CEP112: variants seen among roughly 807,000 people sequenced by gnomAD.
CEP112 encodes centrosomal protein of 112 kDa.
A neutral mutation model predicts 153.0 loss-of-function variants in CEP112; 127 were observed. That is an observed-to-expected ratio of 0.83 (90% CI 0.72 to 0.96). The LOEUF is 0.96. CEP112 is among the 40% of genes least tolerant of loss of function. CEP112 has a pLI of 0.00. For missense variants in CEP112, 1,089 were observed against 1,101.2 expected (o/e 0.99, Z 0.16); for synonymous variants, 358 against 374.4 (o/e 0.96, Z 0.51).
Position 65,970,802 on chromosome 17 carries a change from T to A in CEP112, c.1737-9204A>T, listed in dbSNP as rs2062720810. ...GCATGCATAAAATGTATATTGCACATGTGTATGGCGCATGTATATTGCATG... is the reference window on the plus strand; with the variant it reads ...GCATGCATAAAATGTATATTGCACAAGTGTATGGCGCATGTATATTGCATG... On this transcript the variant is annotated intron_variant, in intron 17 of 26. Coordinates refer to ENST00000535342, the MANE Select transcript of CEP112 (RefSeq NM_001199165.4). Among the ~76,000 whole-genome samples the A allele has an allele frequency of 4.6e-5, 2 of 43,908 alleles. 1 individual carries two copies. The highest frequency in any genetic ancestry group is 4.9e-3 in the South Asian group (2 of 408). 28.8% of individuals were successfully genotyped at this position (43,908 alleles called of 152,430 possible). A position where few individuals can be genotyped will look rare whatever the true frequency, so the allele number is the denominator to read the frequency against.
At chr17:65,637,487 C>A (rs1183193021) in intron 25 of CEP112, among the ~76,000 whole-genome samples, 2 of 152,198 alleles carry the variant, frequency 1.3e-5, no homozygotes, top group African/African-American at 4.8e-5. Flanking sequence ...GCTTCCACAC[C>A]GTGTCTTTCT....
intron 18 of CEP112, among the ~76,000 whole-genome samples, chr17:65,939,757 C>A (rs1024682749): frequency 6.6e-6 from 1 of 152,116 alleles, no homozygotes; most frequent in African/African-American, 2.4e-5. Context: ...GGATTAAAGA[C>A]TTAAATATAA....
At chr17:66,055,446 T>C (rs2066640464) in intron 11 of CEP112, among the ~76,000 whole-genome samples, 1 of 152,216 alleles carries the variant, frequency 6.6e-6, no homozygotes, top group Non-Finnish European at 1.5e-5. Context: ...GTGAGTCACA[T>C]AGCTGGTACA....
At chr17:66,111,579 C>A (rs528593273) in intron 6 of CEP112, among the ~76,000 whole-genome samples, 1 of 152,214 alleles carries the variant, frequency 6.6e-6, no homozygotes, top group East Asian at 1.9e-4. Flanking sequence ...GAGGCTATTA[C>A]ACTTAGCAAA....
rs182828352 is a variant in CEP112, at chr17:65,943,256, A to C, written c.1873-15567T>G. ...TGATGATATCTGTAGTGCATTTGTG[A>C]AAGACAATCATCAGTTGATATAAGA... On this transcript the variant is annotated intron_variant, in intron 18 of 26. Transcript: ENST00000535342. Among the ~76,000 whole-genome samples the C allele has an allele frequency of 1.1e-3, 163 of 152,334 alleles. 1 individual carries two copies. Among genetic ancestry groups the C allele is most frequent in the African/African-American group, 3.7e-3 (154 of 41,570 alleles).
chr17:65,806,743 T>C (rs1461451841), intron 21 of CEP112, among the ~76,000 whole-genome samples: 3 of 152,234 alleles, frequency 2.0e-5, no homozygotes, highest in Non-Finnish European at 4.4e-5. Flanking sequence ...GCCATGATTG[T>C]AAGTTTCCTG....
intron 21 of CEP112, among the ~76,000 whole-genome samples, chr17:65,820,587 A>T (rs1404789276): frequency 1.3e-5 from 2 of 152,130 alleles, no homozygotes; most frequent in Non-Finnish European, 2.9e-5. Context: ...CTGTGAAATC[A>T]GACATCAAAT....
At chr17:66,092,356 AACACACAC>A (rs3056819) in intron 8 of CEP112, among the ~76,000 whole-genome samples, 4 of 135,142 alleles carry the variant, frequency 3.0e-5, no homozygotes, top group Admixed American at 7.6e-5. Flanking sequence ...CATTAATTTA[AACACACAC>A]ACACACACAC....
At chr17:66,047,546 A>T (rs2066264830) in intron 12 of CEP112, among the ~76,000 whole-genome samples, 3 of 152,146 alleles carry the variant, frequency 2.0e-5, no homozygotes. Context: ...CTCTTTTCTA[A>T]AGTTTCAATA....
At chr17:66,126,771 T>C (rs537312386) in intron 6 of CEP112, among the ~76,000 whole-genome samples, 65 of 152,286 alleles carry the variant, frequency 4.3e-4, no homozygotes, top group African/African-American at 1.5e-3. Context: ...TTTGATTTTT[T>C]AACAAAAGCT....
At chr17:65,948,576 T>TTATA (rs201714025) in intron 18 of CEP112, among the ~76,000 whole-genome samples, 1 of 112,568 alleles carries the variant, frequency 8.9e-6, no homozygotes, top group Non-Finnish European at 1.9e-5. Flanking sequence ...AAATATGATT[T>TTATA]TATATATATA....
intron 23 of CEP112, among the ~76,000 whole-genome samples, chr17:65,716,544 C>T (rs1425128212): frequency 6.6e-6 from 1 of 152,008 alleles, no homozygotes; most frequent in Non-Finnish European, 1.5e-5. Flanking sequence ...TACTTGGAGT[C>T]AAGTCAAAGT....
chr17:66,174,171 G>A (rs1421907314), intron 4 of CEP112, among the ~76,000 whole-genome samples: 3 of 151,882 alleles, frequency 2.0e-5, no homozygotes, highest in Non-Finnish European at 2.9e-5. Flanking sequence ...CTCGTGATCC[G>A]CCCGCCTCAG....
chr17:66,139,027 A>G (rs2070568208), intron 4 of CEP112, among the ~76,000 whole-genome samples: 1 of 152,058 alleles, frequency 6.6e-6, no homozygotes, highest in South Asian at 2.1e-4. Flanking sequence ...ATATTAAAAA[A>G]GAAAAAAAAC....
At chr17:65,684,992 T>C (rs1404620868) in intron 24 of CEP112, among the ~76,000 whole-genome samples, 3 of 152,246 alleles carry the variant, frequency 2.0e-5, no homozygotes, top group African/African-American at 7.2e-5. Context: ...TGTTTATTGA[T>C]TAGAGAAAAC....
At chr17:66,126,898 T>A (rs1212845061) in intron 6 of CEP112, among the ~76,000 whole-genome samples, 1 of 152,206 alleles carries the variant, frequency 6.6e-6, no homozygotes. Flanking sequence ...TGGCTACTAA[T>A]GGATCACTCA....
chr17:66,054,400 T>C (rs1228314633), intron 11 of CEP112, among the ~76,000 whole-genome samples: 1 of 152,188 alleles, frequency 6.6e-6, no homozygotes, highest in South Asian at 2.1e-4. Context: ...AGATCACATT[T>C]ATCAGTCAAA....
intron 19 of CEP112, chr17:65,903,110 C>T (rs1386827923): frequency 6.6e-6 from 1 of 152,334 alleles, no homozygotes; most frequent in African/African-American, 2.4e-5. Context: ...CAAACTATAG[C>T]CAGCCAGGCT....
intron 25 of CEP112, 144 bp downstream of exon 25, chr17:65,640,820 C>G (rs1415204739): frequency 3.5e-6 from 2 of 571,562 alleles, no homozygotes; most frequent in African/African-American, 3.8e-5. Context: ...AAATTTAAAA[C>G]AAAATGAAAA....
Sources: allele counts gnomAD v4.1 joint callset (sites outside exome capture counted in the v4.1 genomes callset), GRCh38; gene constraint gnomAD v4.1.1; transcripts MANE v1.5; gene names NCBI Gene and HGNC (gene_info 2026-07-23, HGNC 2026-07-21).